The following ANKRD42 variants were observed in gnomAD, a reference collection of about 807,000 sequenced individuals.
ANKRD42 encodes the protein ankyrin repeat domain-containing protein 42.
In ANKRD42, 43 loss-of-function variants were observed where a neutral mutation model predicts 51.5. That is an observed-to-expected ratio of 0.83 (90% CI 0.65 to 1.08). The LOEUF (loss-of-function observed/expected upper bound fraction) is 1.08. Ranked by LOEUF, ANKRD42 falls within the 50% of genes least tolerant of loss-of-function variation. ANKRD42 has a pLI of 0.00. For missense variants in ANKRD42, 608 were observed against 629.3 expected (o/e 0.97, Z 0.36); for synonymous variants, 203 against 213.0 (o/e 0.95, Z 0.41).
chr11:83,212,301 C>T (rs746668408), intron 5 of ANKRD42, among the ~76,000 whole-genome samples: 4 of 152,076 alleles, frequency 2.6e-5, no homozygotes, highest in Non-Finnish European at 5.9e-5. Flanking sequence ...AGGCTGGTCT[C>T]GAACTCCTGG....
In ANKRD42 at chr11:83,198,559, G is replaced by T. The variant is rs1590958375; in HGVS notation, c.139G>T (p.Val47Leu). ...GDVKQLSEIV[V>L]RGASINELDV... ...TGTAAAGCAGCTTTCAGAAATAGTG[G>T]TACGTGGAGCCAGCATTAATGAACT... is the stretch of plus-strand genomic sequence containing the variant. The change falls in exon 2 of 11, where the codon GTA becomes TTA. Residue 47 changes from valine (V) to leucine (L), a missense_variant. Physicochemically the swap from Val to Leu is conservative, Grantham distance 32. Transcript: ENST00000533342. 1 of 1,613,736 alleles carries T rather than the reference G, an allele frequency of 6.2e-7. No individual in the cohort carries two copies. Among genetic ancestry groups the T allele is most frequent in the African/African-American group, 1.3e-5 (1 of 74,916 alleles).
In ANKRD42 at chr11:83,240,844, G is replaced by A. The variant is rs1453182758; in HGVS notation, c.1105G>A (p.Val369Met). 3.1e-6 allele frequency: 5 copies of A among 1,614,096 alleles called. No individual in the cohort carries two copies. The highest frequency in any genetic ancestry group is 1.6e-4 in the Middle Eastern group (1 of 6,062). Residue 369 changes from valine to methionine, a missense_variant, in exon 9 of 11, where the codon GTG (valine) becomes ATG (methionine). Val to Met is a conservative substitution (Grantham distance 21). Coordinates refer to ENST00000533342, the MANE Select transcript of ANKRD42 (RefSeq NM_001300975.2). ...CGAAAATGAAATTGATGAAAATGATGTGAAATATTTTATAAGACATGGTGT... is the reference window on the plus strand; with the variant it reads ...CGAAAATGAAATTGATGAAAATGATATGAAATATTTTATAAGACATGGTGT... ...DDENEIDEND[V>M]KYFIRHGVEG... is the part of the protein sequence containing the mutation.
At chr11:83,204,468 T>C (rs943443454) in intron 2 of ANKRD42, among the ~76,000 whole-genome samples, 1 of 152,038 alleles carries the variant, frequency 6.6e-6, no homozygotes, top group Admixed American at 6.6e-5. Flanking sequence ...CAATAGACAC[T>C]GGGGATTCCA....
chr11:83,194,503 C>T lies in ANKRD42; in HGVS notation c.-168C>T. The T allele has an allele frequency of 1.4e-6, 1 of 731,198 alleles. No homozygotes were observed. The allele number at this position is 731,198 out of a possible 1,614,324, so 45.3% of individuals were successfully genotyped here. A position where few individuals can be genotyped will look rare whatever the true frequency, so the allele number is the denominator to read the frequency against. On this transcript the variant is annotated 5_prime_UTR_variant, in exon 1 of 11. Transcript: ENST00000533342. ...GAGAGAAAGTGAAGACGAAGGTTTC[C>T]GCTGCAGCTTCTGGGAGAGAGCAAG...
intron 7 of ANKRD42, among the ~76,000 whole-genome samples, chr11:83,232,909 G>A (rs750684867): frequency 1.3e-5 from 2 of 152,014 alleles, no homozygotes; most frequent in Admixed American, 6.6e-5. Flanking sequence ...TTGAATCATC[G>A]GTGTATCGCA....
intron 5 of ANKRD42, among the ~76,000 whole-genome samples, chr11:83,215,977 T>C (rs956268597): frequency 6.6e-6 from 1 of 152,188 alleles, no homozygotes; most frequent in African/African-American, 2.4e-5. Flanking sequence ...GTATTTTTCA[T>C]AGAGATGGGG....
At chr11:83,232,162 A>C (rs916401917) in intron 7 of ANKRD42, among the ~76,000 whole-genome samples, 11 of 151,004 alleles carry the variant, frequency 7.3e-5, no homozygotes, top group African/African-American at 2.4e-4. Flanking sequence ...TAGGGATTGC[A>C]ATGAATCTGT....
chr11:83,240,691 A>G (rs1863358678), intron 8 of ANKRD42, 68 bp from the exon 9 acceptor site: 2 of 1,560,608 alleles, frequency 1.3e-6, no homozygotes, highest in African/African-American at 1.4e-5. Flanking sequence ...CCCCTAAGTT[A>G]AGTGCAAGCT....
chr11:83,214,359 G>A (rs529380305), intron 5 of ANKRD42: 83 of 887,092 alleles, frequency 9.4e-5, no homozygotes, highest in Admixed American at 3.7e-4. Context: ...TGACTTTTCC[G>A]TGTGTAATAC....
chr11:83,242,833 G>C (rs760862694), intron 9 of ANKRD42, among the ~76,000 whole-genome samples: 1 of 152,116 alleles, frequency 6.6e-6, no homozygotes, highest in Non-Finnish European at 1.5e-5. Context: ...GAAGTGCTGG[G>C]ATTACAGGCG....
chr11:83,208,121 C>T (rs960685241), intron 3 of ANKRD42, among the ~76,000 whole-genome samples: 8 of 151,978 alleles, frequency 5.3e-5, no homozygotes, highest in South Asian at 4.2e-4. Context: ...CCTCCTGGGC[C>T]CAAGTGATCC....
At chr11:83,213,132 A>G (rs765453287) in intron 5 of ANKRD42, 8 of 1,601,836 alleles carry the variant, frequency 5.0e-6, no homozygotes, top group Admixed American at 3.3e-5. Flanking sequence ...GGTATTGACA[A>G]CAGGGTTCGT....
chr11:83,229,045 C>G (rs979808067), intron 7 of ANKRD42, among the ~76,000 whole-genome samples: 11 of 151,580 alleles, frequency 7.3e-5, no homozygotes, highest in African/African-American at 2.7e-4. Flanking sequence ...ATGGCTTAAG[C>G]AACATAAATT....
intron 7 of ANKRD42, among the ~76,000 whole-genome samples, chr11:83,232,028 C>A (rs923054110): frequency 2.7e-5 from 4 of 150,142 alleles, no homozygotes; most frequent in Non-Finnish European, 4.4e-5. Flanking sequence ...AATGTGATTC[C>A]TTCAGTTTTG....
chr11:83,194,823 C>G, intron 1 of ANKRD42, 95 bp downstream of exon 1: 1 of 1,248,128 alleles, frequency 8.0e-7, no homozygotes, highest in Non-Finnish European at 1.1e-6. Context: ...TTCCTTTTCT[C>G]AGCCGTCACT....
intron 5 of ANKRD42, chr11:83,213,557 T>G: frequency 3.3e-6 from 4 of 1,221,248 alleles, no homozygotes; most frequent in Non-Finnish European, 4.1e-6. Flanking sequence ...TTATTAGTTT[T>G]TTTTTTTAGT....
chr11:83,233,565 T>C (rs1863142883), intron 7 of ANKRD42, among the ~76,000 whole-genome samples: 1 of 152,218 alleles, frequency 6.6e-6, no homozygotes, highest in Admixed American at 6.5e-5. Context: ...TGTATTGTTT[T>C]CATTTTAATT....
Position 83,227,872 on chromosome 11 carries a change from G to A in ANKRD42, c.913G>A (p.Ala305Thr). The A allele has an allele frequency of 6.3e-7, 1 of 1,599,310 alleles. No individual in the cohort carries two copies. Among genetic ancestry groups the A allele is most frequent in the Non-Finnish European group, 8.5e-7 (1 of 1,175,470 alleles). The change falls in exon 7 of 11, where the codon GCT (alanine) becomes ACT (threonine). Residue 305 changes from alanine to threonine, a missense_variant and splice_region_variant. By Grantham distance (58) the Ala-to-Thr change is moderately conservative (BLOSUM62 0). Transcript: ENST00000533342. ...TAATGGATCAACTCCTATGCATAAAGGTGAGTTATGATTCCTCCTTTCAGT... is the reference window on the plus strand; with the variant it reads ...TAATGGATCAACTCCTATGCATAAAAGTGAGTTATGATTCCTCCTTTCAGT... ...ADNGSTPMHK[A>T]AGQGHIECLQ...
In ANKRD42 at chr11:83,236,295, ATACTTAACTAAG is replaced by A. The variant is rs1863219056; in HGVS notation, c.914-104_914-93del. ...CTTTTGCCAGTTACTGCAAGGATCAATACTTAACTAAGTACTCTATAATGGTACTGTCCAAAA... is the reference window on the plus strand; with the variant it reads ...CTTTTGCCAGTTACTGCAAGGATCAATACTCTATAATGGTACTGTCCAAAA... On this transcript the variant is annotated intron_variant, in intron 7 of 10. Coordinates refer to ENST00000533342, the MANE Select transcript of ANKRD42 (RefSeq NM_001300975.2). 18 of 712,486 alleles carry A rather than the reference ATACTTAACTAAG, an allele frequency of 2.5e-5. No homozygotes were observed. The South Asian group carries it at 3.6e-4, about 14-fold the overall frequency. 44.1% of individuals were successfully genotyped at this position (712,486 alleles called of 1,614,324 possible).
Sources: allele counts gnomAD v4.1 joint callset (sites outside exome capture counted in the v4.1 genomes callset), GRCh38; gene constraint gnomAD v4.1.1; transcripts MANE v1.5; gene names NCBI Gene and HGNC (gene_info 2026-07-23, HGNC 2026-07-21).